Variants in GPC5 observed in about 807,000 individuals in gnomAD.
The protein encoded by GPC5 is glypican-5.
A neutral mutation model predicts 53.9 loss-of-function variants in GPC5; 47 were observed. That is an observed-to-expected ratio of 0.87 (90% CI 0.69 to 1.11). GPC5 has a LOEUF of 1.11. GPC5 is among the 50% of genes most tolerant of loss of function. The probability of loss-of-function intolerance (pLI) is 0.00; values close to 1 mark genes in which losing one functional copy is unlikely to be tolerated. For synonymous variants in GPC5, 286 were observed against 263.3 expected, an observed-to-expected ratio of 1.09 and a Z score of -0.84; for missense variants, 748 against 713.1, an observed-to-expected ratio of 1.05 and a Z score of -0.56.
At chr13:92,505,413 G>A (rs190985820) in intron 7 of GPC5, among the ~76,000 whole-genome samples, 133 of 151,950 alleles carry the variant, frequency 8.8e-4, no homozygotes, top group South Asian at 4.4e-3. Context: ...ATGAGATATC[G>A]CTACAACCCA....
At chr13:91,588,816 A>C (rs115138066) in intron 2 of GPC5, among the ~76,000 whole-genome samples, 2,969 of 152,108 alleles carry the variant, frequency 0.02, 90 homozygotes, top group African/African-American at 0.067. Flanking sequence ...CTTTCTTTCC[A>C]GCCTATAAAA....
At chr13:92,114,159 A>G (rs1356312787) in intron 6 of GPC5, among the ~76,000 whole-genome samples, 1 of 152,184 alleles carries the variant, frequency 6.6e-6, no homozygotes, top group Non-Finnish European at 1.5e-5. Context: ...CATAAAGAGT[A>G]TAGAAACAGA....
chr13:91,682,203 A>G (rs1376477070), intron 2 of GPC5, among the ~76,000 whole-genome samples: 1 of 152,240 alleles, frequency 6.6e-6, no homozygotes, highest in Non-Finnish European at 1.5e-5. Flanking sequence ...ATGTTTACTT[A>G]TATACACAGT....
intron 6 of GPC5, among the ~76,000 whole-genome samples, chr13:92,103,882 C>T (rs1349578979): frequency 2.0e-5 from 3 of 152,088 alleles, no homozygotes; most frequent in African/African-American, 7.2e-5. Context: ...GCATGAGTTG[C>T]GATTCCCAGG....
chr13:92,706,448 T>C (rs1000173302), intron 7 of GPC5, among the ~76,000 whole-genome samples: 1 of 152,020 alleles, frequency 6.6e-6, no homozygotes, highest in Non-Finnish European at 1.5e-5. Flanking sequence ...AGAAAAAAAG[T>C]TTCCATAAGA....
At chr13:92,329,942 G>A (rs1387084146) in intron 7 of GPC5, among the ~76,000 whole-genome samples, 1 of 151,952 alleles carries the variant, frequency 6.6e-6, no homozygotes, top group Non-Finnish European at 1.5e-5. Flanking sequence ...AGGCTTTGAT[G>A]TTTTTCACTT....
chr13:92,812,568 C>T (rs1383685484), intron 7 of GPC5, among the ~76,000 whole-genome samples: 1 of 151,786 alleles, frequency 6.6e-6, no homozygotes, highest in Non-Finnish European at 1.5e-5. Context: ...GAATTTCCCA[C>T]TTTCATCACG....
chr13:92,191,531 A>G (rs535804365), intron 7 of GPC5, among the ~76,000 whole-genome samples: 1 of 152,212 alleles, frequency 6.6e-6, no homozygotes, highest in East Asian at 1.9e-4. Context: ...ACCCAAATGA[A>G]TTAAAAACTT....
At chr13:91,408,523 C>T (rs917310893) in intron 1 of GPC5, among the ~76,000 whole-genome samples, 51 of 152,050 alleles carry the variant, frequency 3.4e-4, no homozygotes, top group African/African-American at 1.2e-3. Flanking sequence ...TTATAATTTT[C>T]GTGTATGAAT....
intron 6 of GPC5, among the ~76,000 whole-genome samples, chr13:91,919,653 T>G (rs1401805113): frequency 6.6e-6 from 1 of 152,046 alleles, no homozygotes; most frequent in Non-Finnish European, 1.5e-5. Context: ...AAGACAGGCG[T>G]GTATTGCTTA....
chr13:91,692,585 T>C (rs1240083230), intron 2 of GPC5, among the ~76,000 whole-genome samples: 1 of 152,196 alleles, frequency 6.6e-6, no homozygotes, highest in Non-Finnish European at 1.5e-5. Flanking sequence ...CATTAGTGAG[T>C]TATGAATGAC....
intron 6 of GPC5, among the ~76,000 whole-genome samples, chr13:92,139,685 A>AAAG (rs3058812): frequency 6.0e-5 from 9 of 149,312 alleles, no homozygotes; most frequent in African/African-American, 2.2e-4. Context: ...AAAAAAAAAA[A>AAAG]GTGTTATATT....
chr13:91,943,793 G>A (rs2039949635), intron 6 of GPC5, among the ~76,000 whole-genome samples: 1 of 151,954 alleles, frequency 6.6e-6, no homozygotes, highest in Admixed American at 6.6e-5. Flanking sequence ...AAATAGAGAT[G>A]TAACATTGTT....
intron 5 of GPC5, among the ~76,000 whole-genome samples, chr13:91,811,428 A>T (rs527773000): frequency 1.3e-5 from 2 of 152,142 alleles, no homozygotes; most frequent in South Asian, 4.1e-4. Flanking sequence ...TTTTTTCTCA[A>T]TTATGTTGTA....
At chr13:92,343,528 ACAAACTAGG>A (rs1390382910) in intron 7 of GPC5, among the ~76,000 whole-genome samples, 1 of 152,152 alleles carries the variant, frequency 6.6e-6, no homozygotes. Context: ...TCTGCTTTTG[ACAAACTAGG>A]CAAACTAGGC....
intron 7 of GPC5, among the ~76,000 whole-genome samples, chr13:92,846,189 G>A (rs573943631): frequency 6.6e-6 from 1 of 152,262 alleles, no homozygotes; most frequent in East Asian, 1.9e-4. Context: ...GCTGAGCGAA[G>A]GAGGGAAAAG....
chr13:92,086,393 T>C (rs886385647), intron 6 of GPC5, among the ~76,000 whole-genome samples: 6 of 152,232 alleles, frequency 3.9e-5, no homozygotes, highest in Admixed American at 6.5e-5. Context: ...TCATACCTTT[T>C]GATCTCATCT....
intron 2 of GPC5, among the ~76,000 whole-genome samples, chr13:91,614,770 C>A (rs925689795): frequency 1.3e-5 from 2 of 152,162 alleles, no homozygotes; most frequent in South Asian, 2.1e-4. Context: ...GATCATGAAG[C>A]TTTCACCGAT....
intron 7 of GPC5, among the ~76,000 whole-genome samples, chr13:92,710,076 T>G (rs542692147): frequency 7.2e-5 from 11 of 152,268 alleles, no homozygotes; most frequent in East Asian, 5.8e-4. Context: ...ACCAGAGAAA[T>G]AAGTTTCTAG....
Sources: gnomAD v4.1 joint callset for allele counts (sites outside exome capture counted in the v4.1 genomes callset) on GRCh38, gnomAD v4.1.1 for gene constraint, MANE v1.5 for transcripts, NCBI Gene and HGNC (gene_info 2026-07-23, HGNC 2026-07-21) for gene names.